The following PLEKHA8 variants were observed in gnomAD, a reference collection of about 807,000 sequenced individuals.
PLEKHA8 encodes pleckstrin homology domain-containing family A member 8.
In PLEKHA8, 36 loss-of-function variants were observed where a neutral mutation model predicts 68.2. The observed-to-expected ratio is 0.53, with a 90% CI of 0.40 to 0.70. The LOEUF (loss-of-function observed/expected upper bound fraction) is 0.70. PLEKHA8 is among the 30% of genes least tolerant of loss of function. The probability of loss-of-function intolerance (pLI) is 0.00; values close to 1 mark genes in which losing one functional copy is unlikely to be tolerated. For synonymous variants in PLEKHA8, 211 were observed against 216.1 expected (o/e 0.98, Z 0.20); for missense variants, 505 against 615.4 (o/e 0.82, Z 1.90).
At chr7:30,096,461 C>T (rs964129628) in intron 13 of PLEKHA8, among the ~76,000 whole-genome samples, 7 of 152,260 alleles carry the variant, frequency 4.6e-5, no homozygotes, top group African/African-American at 1.7e-4. Context: ...ACAATCATGT[C>T]ATCTGCAAAC....
intron 13 of PLEKHA8, among the ~76,000 whole-genome samples, chr7:30,098,708 C>T (rs1331571543): frequency 1.3e-5 from 2 of 152,224 alleles, no homozygotes; most frequent in Non-Finnish European, 2.9e-5. Context: ...GGGAGTGACC[C>T]GATTTTCCAG....
At chr7:30,066,216 AGTAAGGTTTGAGGTGAAT>A (rs1793837500) in intron 12 of PLEKHA8, among the ~76,000 whole-genome samples, 1 of 152,222 alleles carries the variant, frequency 6.6e-6, no homozygotes, top group African/African-American at 2.4e-5. Context: ...ATACTGCTTA[AGTAAGGTTTGAGGTGAAT>A]GTTCATGAAA....
At position 30,040,687 on chromosome 7, in the gene PLEKHA8, T is replaced by C. The variant is rs868104270; in HGVS notation, c.41-4398T>C. On this transcript the variant is annotated intron_variant, in intron 1 of 13. Transcript: ENST00000449726. The stretch of plus-strand genomic sequence containing the variant: ...GCCAAAAATAAATGTCAAGTATGCT[T>C]TCTGTAGTGAAACAATCCAGGATAA... Among the ~76,000 whole-genome samples, 3 of 152,378 alleles carry C rather than the reference T, an allele frequency of 2.0e-5. No homozygotes were observed. The Middle Eastern group carries it at 0.01, about 518-fold the overall frequency.
At chr7:30,085,175 G>A (rs2128002419), downstream of PLEKHA8, among the ~76,000 whole-genome samples, 1 of 152,212 alleles carries the variant, frequency 6.6e-6, no homozygotes, top group Non-Finnish European at 1.5e-5. Context: ...CTGGCCTCAA[G>A]TGATCCGCCC....
rs766753268 is a variant in PLEKHA8, at chr7:30,049,302, G to T, written c.517G>T (p.Ala173Ser). The change falls in exon 5 of 14, where the codon GCA (alanine) becomes TCA (serine). Residue 173 changes from alanine to serine, a missense_variant. Physicochemically the swap from Ala to Ser is moderately conservative, Grantham distance 99. Coordinates refer to ENST00000449726, the MANE Select transcript of PLEKHA8 (RefSeq NM_001197026.2). ...LKTLEECMQI[A>S]NAAFTSELLY... Reference sequence around the variant, plus strand: ...GACCTTGGAAGAATGCATGCAGATCGCAAATGCAGCCTTCACCTCTGAGCT... The same window carrying T: ...GACCTTGGAAGAATGCATGCAGATCTCAAATGCAGCCTTCACCTCTGAGCT... The T allele has an allele frequency of 1.2e-6, 2 of 1,613,970 alleles. No individual in the cohort carries two copies. Among genetic ancestry groups the T allele is most frequent in the South Asian group, 1.1e-5 (1 of 91,072 alleles).
chr7:30,053,114 G>T (rs1792557195), intron 7 of PLEKHA8, among the ~76,000 whole-genome samples: 1 of 152,222 alleles, frequency 6.6e-6, no homozygotes, highest in Non-Finnish European at 1.5e-5. Context: ...TTCATGGGCT[G>T]CAGTGAGCAG....
chr7:30,121,938 C>A (rs1331516084), intron 13 of PLEKHA8, among the ~76,000 whole-genome samples: 1 of 152,166 alleles, frequency 6.6e-6, no homozygotes, highest in Non-Finnish European at 1.5e-5. Flanking sequence ...ATCCAACTAT[C>A]TTGGTATGAT....
In PLEKHA8 at chr7:30,082,054, A is replaced by G. The variant is rs1306467088; in HGVS notation, c.*3267A>G. 2.1e-6 allele frequency: 2 copies of G among 971,936 alleles called. No individual in the cohort carries two copies. Among genetic ancestry groups the G allele is most frequent in the Non-Finnish European group, 2.4e-6 (2 of 817,710 alleles). The allele number at this position is 971,936 out of a possible 1,614,324, so 60.2% of individuals were successfully genotyped here. On this transcript the variant is annotated 3_prime_UTR_variant, in exon 14 of 14. Coordinates refer to ENST00000449726, the MANE Select transcript of PLEKHA8 (RefSeq NM_001197026.2). ...TCATTGGCTCTTGATGTAGCTCTGA[A>G]GGGAGTTCCAGAAGAGGAGCTCTCA...
At chr7:30,111,793 A>G (rs1212339361) in intron 13 of PLEKHA8, among the ~76,000 whole-genome samples, 1 of 152,120 alleles carries the variant, frequency 6.6e-6, no homozygotes, top group Non-Finnish European at 1.5e-5. Context: ...CTAATTTTGT[A>G]TGGAATGATA....
intron 9 of PLEKHA8, among the ~76,000 whole-genome samples, chr7:30,056,326 A>ATATATATAT (rs1554385066): frequency 7.6e-6 from 1 of 131,614 alleles, no homozygotes; most frequent in Non-Finnish European, 1.6e-5. Context: ...ATATATATAT[A>ATATATATAT]TATATAAATA....
chr7:30,031,825 G>T (rs1427100965), intron 1 of PLEKHA8, among the ~76,000 whole-genome samples: 1 of 152,044 alleles, frequency 6.6e-6, no homozygotes, highest in Non-Finnish European at 1.5e-5. Flanking sequence ...TAAATCGATA[G>T]GTATTAATTA....
chr7:30,091,844 A>G (rs1046933829), downstream of PLEKHA8, among the ~76,000 whole-genome samples: 1 of 152,216 alleles, frequency 6.6e-6, no homozygotes, highest in Non-Finnish European at 1.5e-5. Context: ...TTCTCTGCCC[A>G]AGTGAAATTG....
chr7:30,118,753 A>G (rs1313304930), intron 13 of PLEKHA8, among the ~76,000 whole-genome samples: 2 of 151,820 alleles, frequency 1.3e-5, no homozygotes, highest in Non-Finnish European at 1.5e-5. Context: ...AATTTTTTGT[A>G]TTTTTAGTAG....
intron 7 of PLEKHA8, among the ~76,000 whole-genome samples, 187 bp from the exon 8 acceptor site, chr7:30,054,522 G>T (rs1336103097): frequency 6.6e-6 from 1 of 151,050 alleles, no homozygotes; most frequent in African/African-American, 2.4e-5. Context: ...AAGCAAGCAG[G>T]ATTCAAATCT....
intron 8 of PLEKHA8, 35 bp downstream of exon 8, chr7:30,054,900 A>G (rs987843982): frequency 7.8e-6 from 12 of 1,545,724 alleles, no homozygotes; most frequent in Non-Finnish European, 1.1e-5. Context: ...TGATGCTTGG[A>G]TACTAACTTC....
chr7:30,064,646 A>G (rs1793692561), intron 12 of PLEKHA8, among the ~76,000 whole-genome samples: 1 of 152,202 alleles, frequency 6.6e-6, no homozygotes, highest in South Asian at 2.1e-4. Flanking sequence ...TAATCATGAT[A>G]TATGAAGTTA....
intron 10 of PLEKHA8, 74 bp from the exon 11 acceptor site, chr7:30,061,823 G>A: frequency 6.5e-7 from 1 of 1,548,422 alleles, no homozygotes; most frequent in Non-Finnish European, 8.8e-7. Flanking sequence ...AAACTTACAA[G>A]TCTCCAGACT....
intron 6 of PLEKHA8, chr7:30,050,702 AT>A: frequency 2.4e-6 from 1 of 413,052 alleles, no homozygotes; most frequent in South Asian, 4.2e-5. Flanking sequence ...CCTAAGATGG[AT>A]CTCACCCATC....
At chr7:30,070,134 T>G (rs1794137465) in intron 12 of PLEKHA8, among the ~76,000 whole-genome samples, 1 of 151,602 alleles carries the variant, frequency 6.6e-6, no homozygotes, top group African/African-American at 2.4e-5. Context: ...GGGAAGTGTT[T>G]TTTTTTTTTT....
Sources: gnomAD v4.1 joint callset for allele counts (sites outside exome capture counted in the v4.1 genomes callset) on GRCh38, gnomAD v4.1.1 for gene constraint, MANE v1.5 for transcripts, NCBI Gene and HGNC (gene_info 2026-07-23, HGNC 2026-07-21) for gene names.